TNS1: variants seen among roughly 807,000 people sequenced by gnomAD.
The protein encoded by TNS1 is tensin-1.
Under a neutral mutation model 168.6 loss-of-function variants are expected in TNS1, and 62 were observed. The ratio of observed to expected loss-of-function variants is 0.37; its 90% CI spans 0.30 to 0.45. The LOEUF is 0.45. Ranked by LOEUF, TNS1 falls within the 20% of genes least tolerant of loss-of-function variation. TNS1 has a pLI of 1.00. For synonymous variants in TNS1, 934 were observed against 933.2 expected (o/e 1.00, Z -0.02); for missense variants, 2,240 against 2,339.4 (o/e 0.96, Z 0.88).
intron 2 of TNS1, among the ~76,000 whole-genome samples, chr2:217,982,903 C>A (rs1371397682): frequency 6.6e-6 from 1 of 152,150 alleles, no homozygotes; most frequent in Non-Finnish European, 1.5e-5. Context: ...ACTTCCCTTA[C>A]CCTACCAAGT....
In TNS1 at chr2:217,977,545, C is replaced by G. The variant is rs148740513; in HGVS notation, c.186+1220G>C. On this transcript the variant is annotated intron_variant, in intron 3 of 32. Coordinates refer to ENST00000682258, the MANE Select transcript of TNS1 (RefSeq NM_001387777.1). ...CCAAGGTAACACTTGTCCCTCTAAG[C>G]TCCCAGTAGCTGAGCATCAGTCATG... is the stretch of plus-strand genomic sequence containing the variant. Among the ~76,000 whole-genome samples, 18 of 152,376 alleles carry G rather than the reference C, an allele frequency of 1.2e-4. No homozygotes were observed. The South Asian group carries it at 2.9e-3, about 25-fold the overall frequency.
Position 217,804,164 on chromosome 2 carries a change from G to A in TNS1, c.*295C>T, listed in dbSNP as rs1325429064. ...GACATCCATCTTCTTAGGGGAGGGA[G>A]GGGGTGTTAGGTGGACCTGGTTAGT... On this transcript the variant is annotated 3_prime_UTR_variant, in exon 33 of 33. Transcript: ENST00000682258. The A allele has an allele frequency of 6.3e-6, 2 of 316,886 alleles. No individual in the cohort carries two copies. Among genetic ancestry groups the A allele is most frequent in the South Asian group, 5.8e-5 (1 of 17,110 alleles). The allele number at this position is 316,886 out of a possible 1,614,324, so 19.6% of individuals were successfully genotyped here.
intron 22 of TNS1, 150 bp from the exon 23 acceptor site, chr2:217,822,088 C>T: frequency 5.0e-6 from 4 of 792,846 alleles, no homozygotes; most frequent in Non-Finnish European, 7.7e-6. Context: ...CTCCTGCCTG[C>T]CCAGACCCAC....
intron 3 of TNS1, among the ~76,000 whole-genome samples, chr2:217,961,867 A>G (rs1372496306): frequency 6.6e-6 from 1 of 152,228 alleles, no homozygotes; most frequent in East Asian, 1.9e-4. Flanking sequence ...AGTCAGATTA[A>G]TGTCTACAGT....
At chr2:218,001,570 G>GA (rs1559408426) in intron 1 of TNS1, among the ~76,000 whole-genome samples, 2 of 152,100 alleles carry the variant, frequency 1.3e-5, no homozygotes, top group Non-Finnish European at 2.9e-5. Flanking sequence ...GCACAGAGAC[G>GA]AACCTGGCCA....
chr2:217,996,621 T>G (rs1415268835), intron 1 of TNS1, among the ~76,000 whole-genome samples: 1 of 152,110 alleles, frequency 6.6e-6, no homozygotes, highest in Non-Finnish European at 1.5e-5. Flanking sequence ...ACTAACCAGT[T>G]GCCAAATCCT....
At chr2:217,996,496 C>G (rs1958473336) in intron 1 of TNS1, among the ~76,000 whole-genome samples, 1 of 152,222 alleles carries the variant, frequency 6.6e-6, no homozygotes, top group South Asian at 2.1e-4. Flanking sequence ...TTTACACACA[C>G]AAATCCCCCA....
chr2:217,935,550 A>T (rs529748152), intron 3 of TNS1, among the ~76,000 whole-genome samples: 1 of 152,308 alleles, frequency 6.6e-6, no homozygotes, highest in African/African-American at 2.4e-5. Flanking sequence ...GCCACAGCAG[A>T]GGCAGCCACA....
rs902056863 is a variant in TNS1 at position 217,995,841 on chromosome 2, C to T, written c.34-4785G>A. ...GAAGGGCTCCAGCCTATAAGTCCTT[C>T]TTCTCCTCCCTCCAAGCCCAGAGCT... On this transcript the variant is annotated intron_variant, in intron 1 of 32. Coordinates refer to ENST00000682258, the MANE Select transcript of TNS1 (RefSeq NM_001387777.1). The surrounding 1 kb of genome is among the most constrained non-coding windows in gnomAD (Gnocchi z 4.1). 1.3e-5 allele frequency among the ~76,000 whole-genome samples: 2 copies of T among 152,196 alleles called. No homozygotes were observed. The highest frequency in any genetic ancestry group is 2.4e-5 in the African/African-American group (1 of 41,444).
chr2:218,008,997 A>C (rs577478719), intron 1 of TNS1, among the ~76,000 whole-genome samples: 15 of 152,328 alleles, frequency 9.8e-5, no homozygotes, highest in African/African-American at 3.6e-4. Context: ...AGATATTTTC[A>C]TTATCCCCAT....
chr2:218,004,375 C>T (rs755670954), upstream of TNS1, among the ~76,000 whole-genome samples: 96 of 151,860 alleles, frequency 6.3e-4, 1 homozygote, highest in Non-Finnish European at 1.0e-3. Context: ...GCCTCCCCCC[C>T]CCACTCACCC....
chr2:218,013,242 C>G (rs1363221248), upstream of TNS1, among the ~76,000 whole-genome samples: 1 of 150,080 alleles, frequency 6.7e-6, no homozygotes, highest in Non-Finnish European at 1.5e-5. Flanking sequence ...GGTGACAGAG[C>G]GAGACTCTAT....
At chr2:217,989,897 T>C (rs967093113) in intron 2 of TNS1, among the ~76,000 whole-genome samples, 4 of 151,794 alleles carry the variant, frequency 2.6e-5, no homozygotes, top group African/African-American at 7.3e-5. Context: ...AGCTTCTACA[T>C]ACAGACCACA....
intron 3 of TNS1, among the ~76,000 whole-genome samples, chr2:217,920,695 C>T (rs2125859085): frequency 6.6e-6 from 1 of 151,802 alleles, no homozygotes; most frequent in South Asian, 2.1e-4. Context: ...CTCCCCATTG[C>T]TAAGGGATCT....
At position 217,900,471 on chromosome 2, in the gene TNS1, C is replaced by T; in HGVS notation, c.363G>A (p.Gln121=). 1 of 1,535,250 alleles carries T rather than the reference C, an allele frequency of 6.5e-7. No individual in the cohort carries two copies. The highest frequency in any genetic ancestry group is 8.7e-7 in the Non-Finnish European group (1 of 1,146,700). Residue 121 remains glutamine, a synonymous_variant, in exon 7 of 33, where the codon CAG becomes CAA. Transcript: ENST00000682258. Reference sequence around the variant, plus strand: ...CCACGGGCCAGGCATACCTGATGGGCTGGAGGTGGGGCTGGACACTCGGGG... The same window carrying T: ...CCACGGGCCAGGCATACCTGATGGGTTGGAGGTGGGGCTGGACACTCGGGG... The part of the protein sequence containing the change: ...RVTPSVQPHL[Q]PIRNMSVSRT...
In TNS1 at chr2:217,813,299, T is replaced by C; in HGVS notation, c.4870A>G (p.Thr1624Ala). ...AGAAAATGCCTGACCAGCTCATGGG[T>C]CATGTCTCCTGGGACAAAGAGAAAG... ...IMQQNKKGDM[T>A]HELVRHFLIE... The change falls in exon 27 of 33, where the codon ACC (threonine) becomes GCC (alanine). Residue 1624 changes from threonine to alanine, a missense_variant. Transcript: ENST00000682258. This position sits in a 1 kb window ranked among gnomAD's most constrained non-coding sequence, Gnocchi z 4.0. 6.3e-7 allele frequency: 1 copy of C among 1,585,916 alleles called. No homozygotes were observed.
At chr2:217,856,892 C>T (rs1203288967) in intron 18 of TNS1, among the ~76,000 whole-genome samples, 3 of 152,230 alleles carry the variant, frequency 2.0e-5, no homozygotes, top group East Asian at 3.9e-4. Context: ...TCAGTCTTGT[C>T]GCAGGTGGCT....
rs1412190504 is a variant in TNS1 at position 217,814,078 on chromosome 2, T to C, written c.4730-262A>G. On this transcript the variant is annotated intron_variant, in intron 25 of 32. Coordinates refer to ENST00000682258, the MANE Select transcript of TNS1 (RefSeq NM_001387777.1). ...ATGCAGTGGCACAATCATGGCTCAC[T>C]GCAGCCTCAACCTCCTGGGCTCAAG... 1.1e-5 allele frequency: 3 copies of C among 275,294 alleles called. 1 individual carries two copies. Among genetic ancestry groups the C allele is most frequent in the East Asian group, 1.8e-4 (2 of 10,940 alleles). The allele number at this position is 275,294 out of a possible 1,614,324, so 17.1% of individuals were successfully genotyped here. A position where few individuals can be genotyped will look rare whatever the true frequency, so the allele number is the denominator to read the frequency against.
chr2:218,010,832 G>C (rs943233988), upstream of TNS1, among the ~76,000 whole-genome samples: 4 of 152,146 alleles, frequency 2.6e-5, no homozygotes, highest in East Asian at 1.9e-4. Flanking sequence ...TTAAACGGAG[G>C]CCTCCGGCTT....
Sources: gnomAD v4.1 joint callset for allele counts (sites outside exome capture counted in the v4.1 genomes callset) on GRCh38, gnomAD v4.1.1 for gene constraint, Gnocchi (gnomAD v3.1) non-coding constraint, MANE v1.5 for transcripts, NCBI Gene and HGNC (gene_info 2026-07-23, HGNC 2026-07-21) for gene names.